Variants in HR observed in about 807,000 individuals in gnomAD.
HR encodes the protein HR lysine demethylase and nuclear receptor corepressor.
Under a neutral mutation model 128.6 loss-of-function variants are expected in HR, and 83 were observed. The ratio of observed to expected loss-of-function variants is 0.65; its 90% CI spans 0.54 to 0.77. The LOEUF is 0.77. Among genes scored for constraint, HR ranks in the 30% least tolerant of loss-of-function variants. HR has a pLI of 0.00. For synonymous variants in HR, 681 were observed against 658.2 expected, an observed-to-expected ratio of 1.03 and a Z score of -0.53; for missense variants, 1,490 against 1,574.6, an observed-to-expected ratio of 0.95 and a Z score of 0.91.
chr8:22,124,255 G>A (rs547839682), intron 5 of HR, among the ~76,000 whole-genome samples: 9 of 152,114 alleles, frequency 5.9e-5, no homozygotes, highest in Non-Finnish European at 1.0e-4. Flanking sequence ...TTTGAGATAG[G>A]GTCTCACTCT....
chr8:22,128,424 G>A, intron 2 of HR, 135 bp downstream of exon 2: 1 of 1,272,908 alleles, frequency 7.9e-7, no homozygotes, highest in Non-Finnish European at 1.1e-6. Context: ...TGGGGCCTGG[G>A]ACAGCTCCAA....
chr8:22,120,331 G>A lies in HR; in HGVS notation c.2776+11C>T, dbSNP rs895762780. 6.8e-6 allele frequency: 11 copies of A among 1,613,654 alleles called. No homozygotes were observed. The highest frequency in any genetic ancestry group is 1.3e-5 in the African/African-American group (1 of 74,924). On this transcript the variant is annotated intron_variant, in intron 12 of 18. Transcript: ENST00000381418. ...TCCCAGCTCCCTCTCCCCTGTGTTG[G>A]GGACACTTACGCTCAGGCCAGGAGA...
chr8:22,117,478 T>C (rs10110714), intron 16 of HR: 26,960 of 167,112 alleles, frequency 0.16, 2,811 homozygotes, highest in African/African-American at 0.31. Flanking sequence ...AAGTGGTGGA[T>C]GAGGAGAGAG....
intron 1 of HR, 66 bp from the exon 2 acceptor site, chr8:22,129,276 C>A: frequency 7.2e-7 from 1 of 1,392,604 alleles, no homozygotes; most frequent in Non-Finnish European, 9.6e-7. Flanking sequence ...CAGCCTGGCA[C>A]AGAGTGGGCA....
intron 6 of HR, 32 bp downstream of exon 6, chr8:22,123,617 T>TTCACCCCC: frequency 3.4e-6 from 1 of 292,092 alleles, no homozygotes; most frequent in Non-Finnish European, 6.2e-6. Flanking sequence ...GAGGGCTCCA[T>TTCACCCCC]CCCGCCCTCC....
chr8:22,118,801 C>T, intron 16 of HR, 149 bp downstream of exon 16: 1 of 673,958 alleles, frequency 1.5e-6, no homozygotes, highest in East Asian at 2.7e-5. Context: ...TCTGCCTTCT[C>T]TGCACCTGTC....
chr8:22,123,990 C>A (rs111387039), intron 5 of HR, among the ~76,000 whole-genome samples, 177 bp from the exon 6 acceptor site: 2 of 152,146 alleles, frequency 1.3e-5, no homozygotes, highest in African/African-American at 4.8e-5. Context: ...TACTCCACAG[C>A]CCTGTCGAGA....
rs527980792 is a variant in HR, at chr8:22,118,167, C to T, written c.3213+783G>A. On this transcript the variant is annotated intron_variant, in intron 16 of 18. Coordinates refer to ENST00000381418, the MANE Select transcript of HR (RefSeq NM_005144.5). ...GGTGCACACCATGCTGGCCTCTGCA[C>T]GTCTCCGTGTGTGTGTGTGCCTTGG... 2.2e-3 allele frequency: 340 copies of T among 152,864 alleles called. 2 individuals are homozygous for T. The highest frequency in any genetic ancestry group is 3.4e-3 in the Middle Eastern group (1 of 296). 9.5% of individuals were successfully genotyped at this position (152,864 alleles called of 1,614,324 possible). A position where few individuals can be genotyped will look rare whatever the true frequency, so the allele number is the denominator to read the frequency against.
chr8:22,121,794 A>C (rs527560408), intron 8 of HR, 100 bp from the exon 9 acceptor site: 7 of 1,236,642 alleles, frequency 5.7e-6, no homozygotes, highest in South Asian at 5.0e-5. Context: ...GACTCTTGTC[A>C]GTCCTAAAAT....
rs1456892585 is a variant in HR at position 22,116,907 on chromosome 8, C to A, written c.3346G>T (p.Ala1116Ser). Residue 1116 changes from alanine to serine, a missense_variant, in exon 17 of 19, where the codon GCC becomes TCC. This residue lies in a region of HR where 423 missense variants were observed against 495.9 expected (regional missense o/e 0.85). Coordinates refer to ENST00000381418, the MANE Select transcript of HR (RefSeq NM_005144.5). The surrounding 1 kb of genome is among the most constrained non-coding windows in gnomAD (Gnocchi z 4.2). ...CWTLLQAPGE[A>S]VLVPAGAPHQ... ...GGAGCCCCTGCAGGCACCAGCACGG[C>A]CTCTCCGGGGGCCTGGAGCAGGGTC... 2 of 1,563,914 alleles carry A rather than the reference C, an allele frequency of 1.3e-6. No homozygotes were observed. Among genetic ancestry groups the A allele is most frequent in the Non-Finnish European group, 1.7e-6 (2 of 1,159,782 alleles).
rs1409978537 is a variant in HR at position 22,121,222 on chromosome 8, G to A, written c.2210C>T (p.Pro737Leu). The change falls in exon 10 of 19, where the codon CCC becomes CTC. Residue 737 changes from proline to leucine, a missense_variant. Around this residue, in one of 3 missense-constraint regions of HR, gnomAD observed 1,060 missense variants for 1,060.9 expected, o/e 1.00. Transcript: ENST00000381418. The part of the protein sequence containing the change: ...HRTKSIKEET[P>L]DSAETPAEDR... The stretch of plus-strand genomic sequence containing the variant: ...CTCTGCTGGGGTCTCAGCGGAATCG[G>A]GGGTCTCTGTCAGGGAGGAAGATGG... The A allele has an allele frequency of 1.2e-6, 2 of 1,613,752 alleles. No homozygotes were observed. Among genetic ancestry groups the A allele is most frequent in the South Asian group, 1.1e-5 (1 of 91,088 alleles).
chr8:22,116,194 G>A lies in HR; in HGVS notation c.3507+106C>T, dbSNP rs1826580786. The A allele has an allele frequency of 6.6e-7, 1 of 1,506,808 alleles. No individual in the cohort carries two copies. The highest frequency in any genetic ancestry group is 1.4e-5 in the African/African-American group (1 of 72,742). The allele number at this position is 1,506,808 out of a possible 1,614,324, so 93.3% of individuals were successfully genotyped here. The stretch of plus-strand genomic sequence containing the variant: ...TACTCTGCCCCTGCACAGGGTGGCT[G>A]CCTGCTTGGCACAGGGTGGGATCTG... On this transcript the variant is annotated intron_variant, in intron 18 of 18. Transcript: ENST00000381418. The surrounding 1 kb of genome is among the most constrained non-coding windows in gnomAD (Gnocchi z 4.2).
chr8:22,119,099 G>T (rs201289098), intron 15 of HR, 34 bp from the exon 16 acceptor site: 10 of 1,613,578 alleles, frequency 6.2e-6, no homozygotes, highest in Non-Finnish European at 8.5e-6. Flanking sequence ...CAGGCCCAGG[G>T]CTGGTGGCGA....
intron 6 of HR, 69 bp from the exon 7 acceptor site, chr8:22,122,948 G>A (rs1046779803): frequency 3.5e-6 from 5 of 1,430,464 alleles, no homozygotes; most frequent in South Asian, 1.2e-5. Flanking sequence ...GTCAGAGAAG[G>A]TCAGGACATG....
In HR at chr8:22,120,178, A is replaced by G. The variant is rs1826701173; in HGVS notation, c.2777-5T>C. 3 of 1,593,622 alleles carry G rather than the reference A, an allele frequency of 1.9e-6. No individual in the cohort carries two copies. The highest frequency in any genetic ancestry group is 1.7e-6 in the Non-Finnish European group (2 of 1,170,712). On this transcript the variant is annotated splice_polypyrimidine_tract_variant and splice_region_variant and intron_variant, in intron 12 of 18. Coordinates refer to ENST00000381418, the MANE Select transcript of HR (RefSeq NM_005144.5). The stretch of plus-strand genomic sequence containing the variant: ...CCTCGTCTGACTTTGGGCGAACTAC[A>G]GGAGGAGACAGAACGGCCATTGGCC...
At position 22,121,070 on chromosome 8, in the gene HR, G is replaced by A. The variant is rs1452845580; in HGVS notation, c.2362C>T (p.Pro788Ser). 4 of 1,613,496 alleles carry A rather than the reference G, an allele frequency of 2.5e-6. No homozygotes were observed. Among genetic ancestry groups the A allele is most frequent in the Non-Finnish European group, 3.4e-6 (4 of 1,180,024 alleles). The change falls in exon 10 of 19, where the codon CCC becomes TCC. Residue 788 changes from proline (P) to serine (S), a missense_variant. Transcript: ENST00000381418. Reference protein sequence around the residue: ...MAFAPVTPALPSDDRITNILD... With the variant: ...MAFAPVTPALSSDDRITNILD... ...CCCTCCGTGCCCTCACTCACACTGGGCAGGGCCGGAGTGACGGGGGCGAAG... is the reference window on the plus strand; with the variant it reads ...CCCTCCGTGCCCTCACTCACACTGGACAGGGCCGGAGTGACGGGGGCGAAG...
intron 5 of HR, 115 bp downstream of exon 5, chr8:22,125,196 G>T: frequency 9.6e-7 from 1 of 1,038,094 alleles, no homozygotes; most frequent in South Asian, 1.5e-5. Flanking sequence ...CCAGGCCAGG[G>T]GCTCTTCTGA....
At chr8:22,123,991 C>A (rs1157837193) in intron 5 of HR, among the ~76,000 whole-genome samples, 178 bp from the exon 6 acceptor site, 1 of 152,132 alleles carries the variant, frequency 6.6e-6, no homozygotes, top group African/African-American at 2.4e-5. Context: ...ACTCCACAGC[C>A]CTGTCGAGAG....
intron 2 of HR, 165 bp from the exon 3 acceptor site, chr8:22,127,994 C>G: frequency 1.4e-6 from 1 of 724,578 alleles, no homozygotes; most frequent in South Asian, 1.5e-5. Context: ...TGACACTGTC[C>G]TGGCAACCCC....
Sources: gnomAD v4.1 joint callset for allele counts (sites outside exome capture counted in the v4.1 genomes callset) on GRCh38, gnomAD v4.1.1 for gene constraint, gnomAD v4.1.1 regional missense constraint, Gnocchi (gnomAD v3.1) non-coding constraint, MANE v1.5 for transcripts, NCBI Gene and HGNC (gene_info 2026-07-23, HGNC 2026-07-21) for gene names.